Variants in NAALADL2 observed in about 807,000 individuals in gnomAD.
NAALADL2 encodes N-acetylated alpha-linked acidic dipeptidase like 2.
A neutral mutation model predicts 87.2 loss-of-function variants in NAALADL2; 76 were observed. That is an observed-to-expected ratio of 0.87 (90% CI 0.72 to 1.05). NAALADL2 has a LOEUF of 1.05. Ranked by LOEUF, NAALADL2 falls within the 50% of genes least tolerant of loss-of-function variation. The probability of loss-of-function intolerance (pLI) is 0.00; values close to 1 mark genes in which losing one functional copy is unlikely to be tolerated. For synonymous variants in NAALADL2, 354 were observed against 331.0 expected (o/e 1.07, Z -0.75); for missense variants, 1,089 against 945.8 (o/e 1.15, Z -1.99).
At chr3:175,617,450 G>A (rs1725500063) in intron 10 of NAALADL2, among the ~76,000 whole-genome samples, 1 of 152,132 alleles carries the variant, frequency 6.6e-6, no homozygotes, top group Admixed American at 6.5e-5. Context: ...TGGACAGGGT[G>A]GAGGCGGCTT....
At chr3:174,576,196 T>A (rs1459111923) in intron 2 of NAALADL2, among the ~76,000 whole-genome samples, 1 of 152,048 alleles carries the variant, frequency 6.6e-6, no homozygotes, top group Non-Finnish European at 1.5e-5. Flanking sequence ...TAGATATGGT[T>A]CCTAAACTCT....
chr3:175,423,039 A>G (rs1392751398), intron 5 of NAALADL2, among the ~76,000 whole-genome samples: 1 of 112,524 alleles, frequency 8.9e-6, no homozygotes, highest in East Asian at 3.5e-4. Context: ...ATATATATAT[A>G]TATATATATA....
intron 13 of NAALADL2, among the ~76,000 whole-genome samples, chr3:175,787,179 T>C (rs1327784420): frequency 2.0e-5 from 3 of 152,184 alleles, no homozygotes; most frequent in Non-Finnish European, 2.9e-5. Flanking sequence ...GTCTGTGCCC[T>C]GCCCCCAGAG....
chr3:174,459,947 G>C (rs1396548630), intron 1 of NAALADL2, among the ~76,000 whole-genome samples: 1 of 152,096 alleles, frequency 6.6e-6, no homozygotes, highest in Non-Finnish European at 1.5e-5. Context: ...CTACTTTATA[G>C]ATTATATGAC....
intron 11 of NAALADL2, among the ~76,000 whole-genome samples, chr3:175,678,288 T>C (rs1735098690): frequency 6.6e-6 from 1 of 152,180 alleles, no homozygotes; most frequent in South Asian, 2.1e-4. Context: ...TTCATTGCCC[T>C]CTCCTGTCCC....
chr3:174,803,012 G>A (rs1300046094), intron 3 of NAALADL2, among the ~76,000 whole-genome samples: 1 of 152,072 alleles, frequency 6.6e-6, no homozygotes, highest in East Asian at 1.9e-4. Flanking sequence ...TGGGATTGCT[G>A]GGTCAAATGA....
At chr3:175,315,784 A>G (rs893429411) in intron 4 of NAALADL2, among the ~76,000 whole-genome samples, 4 of 152,296 alleles carry the variant, frequency 2.6e-5, no homozygotes, top group Admixed American at 2.6e-4. Context: ...TTTTCTTTAT[A>G]TTGTGGCTAA....
chr3:174,980,358 G>A (rs1256660696), intron 1 of NAALADL2, among the ~76,000 whole-genome samples: 3 of 152,144 alleles, frequency 2.0e-5, no homozygotes, highest in Non-Finnish European at 4.4e-5. Flanking sequence ...TATAGAGGAA[G>A]GTGGAGTGGT....
rs561113606 is a variant in NAALADL2 at position 174,979,308 on chromosome 3, T to TC, written c.44-117482_44-117481insC. On this transcript the variant is annotated intron_variant, in intron 1 of 13. Coordinates refer to ENST00000454872, the MANE Select transcript of NAALADL2 (RefSeq NM_207015.3). ...ATAATTTTCTTTCTTTCTTTTCTTT[T>TC]TTTTTTTTTTTTTTTGAGACGGAGT... 2.3e-4 allele frequency among the ~76,000 whole-genome samples: 33 copies of TC among 140,742 alleles called. No homozygotes were observed. The South Asian group carries it at 3.1e-3, about 13-fold the overall frequency. The allele number at this position is 140,742 out of a possible 152,430, so 92.3% of individuals were successfully genotyped here.
intron 3 of NAALADL2, among the ~76,000 whole-genome samples, chr3:175,241,001 T>A (rs543064177): frequency 6.6e-6 from 1 of 152,212 alleles, no homozygotes; most frequent in East Asian, 1.9e-4. Flanking sequence ...GCTTTGGATA[T>A]TATTAGTCTC....
At chr3:175,137,883 C>CA (rs1414029175) in intron 2 of NAALADL2, among the ~76,000 whole-genome samples, 2 of 152,130 alleles carry the variant, frequency 1.3e-5, no homozygotes, top group Non-Finnish European at 2.9e-5. Flanking sequence ...CTCGGCCTCC[C>CA]AAAGTGCTGG....
At chr3:175,534,970 C>T (rs759955212) in intron 9 of NAALADL2, among the ~76,000 whole-genome samples, 3 of 151,740 alleles carry the variant, frequency 2.0e-5, no homozygotes, top group Non-Finnish European at 4.4e-5. Context: ...GTTCAGAAGT[C>T]CTCAGGGTCA....
At chr3:175,165,394 C>T (rs1175542760) in intron 2 of NAALADL2, among the ~76,000 whole-genome samples, 1 of 151,650 alleles carries the variant, frequency 6.6e-6, no homozygotes, top group Non-Finnish European at 1.5e-5. Flanking sequence ...CATCTATAAA[C>T]AATAAGTAAA....
chr3:174,959,735 A>G (rs1741704657), intron 1 of NAALADL2, among the ~76,000 whole-genome samples: 1 of 152,104 alleles, frequency 6.6e-6, no homozygotes, highest in South Asian at 2.1e-4. Context: ...CGGTTATCAC[A>G]TGCCCAAAGT....
chr3:175,637,512 G>A (rs183915735), intron 11 of NAALADL2, among the ~76,000 whole-genome samples: 1 of 152,222 alleles, frequency 6.6e-6, no homozygotes, highest in East Asian at 1.9e-4. Context: ...TAAATGGCTT[G>A]GTACCATTCT....
intron 4 of NAALADL2, among the ~76,000 whole-genome samples, chr3:175,276,141 TAAA>T (rs11388464): frequency 2.0e-5 from 3 of 149,460 alleles, no homozygotes; most frequent in Non-Finnish European, 4.5e-5. Context: ...CATCATGAAG[TAAA>T]AAAAAAATTA....
intron 1 of NAALADL2, among the ~76,000 whole-genome samples, chr3:174,924,382 G>A (rs1301626920): frequency 6.6e-6 from 1 of 151,994 alleles, no homozygotes; most frequent in Non-Finnish European, 1.5e-5. Context: ...CCCTACAAAG[G>A]ACACGAACTC....
intron 4 of NAALADL2, among the ~76,000 whole-genome samples, chr3:175,322,365 GA>G: frequency 8.5e-6 from 1 of 117,790 alleles, no homozygotes; most frequent in Middle Eastern, 3.9e-3. Context: ...TTAAACGTTA[GA>G]CCTAAAACCA....
chr3:174,588,394 A>G (rs745312744), intron 2 of NAALADL2, among the ~76,000 whole-genome samples: 1 of 152,150 alleles, frequency 6.6e-6, no homozygotes, highest in Non-Finnish European at 1.5e-5. Context: ...GTCATTTTCC[A>G]TCCAGCTTTG....
Sources: allele counts gnomAD v4.1 joint callset (sites outside exome capture counted in the v4.1 genomes callset), GRCh38; gene constraint gnomAD v4.1.1; transcripts MANE v1.5; gene names NCBI Gene and HGNC (gene_info 2026-07-23, HGNC 2026-07-21).